AWAT1: variants seen among roughly 807,000 people sequenced by gnomAD.
AWAT1 encodes the protein acyl-CoA wax alcohol acyltransferase 1, also known as diacyl-glycerol acyltransferase 2.
AWAT1 carries 26 observed loss-of-function variants against 21.6 expected under a neutral mutation model. The observed-to-expected ratio is 1.20, with a 90% CI of 0.88 to 1.67. AWAT1 has a LOEUF of 1.67. Among genes scored for constraint, AWAT1 ranks in the 40% most tolerant of loss-of-function variants. The probability of loss-of-function intolerance (pLI) is 0.00; values close to 1 mark genes in which losing one functional copy is unlikely to be tolerated. For missense variants in AWAT1, 264 were observed against 249.4 expected (o/e 1.06, Z -0.39); for synonymous variants, 102 against 99.3 (o/e 1.03, Z -0.16).
chrX:70,236,139 G>T lies in AWAT1; in HGVS notation c.255G>T (p.Thr85=), dbSNP rs372091173. The change falls in exon 3 of 7, where the codon ACG becomes ACT. Residue 85 remains threonine (T), a splice_region_variant and synonymous_variant. Coordinates refer to ENST00000374521, the MANE Select transcript of AWAT1 (RefSeq NM_001013579.3). Reference sequence around the variant, plus strand: ...ACATCAGGGACTATTTCCCCATTACGGTAAGTATCTCTTCCCCAGTGTCCT... The same window carrying T: ...ACATCAGGGACTATTTCCCCATTACTGTAAGTATCTCTTCCCCAGTGTCCT... The part of the protein sequence containing the change: ...WTHIRDYFPI[T]ILKTKDLSPE... 1 of 1,202,621 alleles carries T rather than the reference G, an allele frequency of 8.3e-7. No homozygotes were observed. The highest frequency in any genetic ancestry group is 1.8e-5 in the African/African-American group (1 of 57,000).
intron 4 of AWAT1, among the ~76,000 whole-genome samples, chrX:70,237,867 C>G (rs1434739365): frequency 1.1e-5 from 1 of 88,586 alleles, no homozygotes; most frequent in Non-Finnish European, 2.2e-5. Context: ...GAATTCGACA[C>G]AATGCCTGCC....
chrX:70,237,879 C>G (rs1304278009), intron 4 of AWAT1, among the ~76,000 whole-genome samples: 1 of 90,201 alleles, frequency 1.1e-5, no homozygotes, highest in Non-Finnish European at 2.2e-5. Context: ...ATGCCTGCCA[C>G]AGAGTATATC....
In AWAT1 at chrX:70,239,597, G is replaced by C. The variant is rs2085529380; in HGVS notation, c.633-138G>C. On this transcript the variant is annotated intron_variant, in intron 5 of 6. Coordinates refer to ENST00000374521, the MANE Select transcript of AWAT1 (RefSeq NM_001013579.3). ...AAGAGACATTAAATAGGGAAACCCT[G>C]TTTAGTGCAAGAAAAAATGCTTTAT... is the stretch of plus-strand genomic sequence containing the variant. The C allele has an allele frequency of 7.4e-6, 4 of 538,410 alleles. No homozygotes were observed. The Admixed American group carries it at 9.5e-5, about 13-fold the overall frequency. 44.4% of individuals were successfully genotyped at this position (538,410 alleles called of 1,213,427 possible). A position where few individuals can be genotyped will look rare whatever the true frequency, so the allele number is the denominator to read the frequency against.
Position 70,237,255 on chromosome X carries a change from C to T in AWAT1, c.460+7C>T, listed in dbSNP as rs770758588. ...GAGTACCTCATGGCCAAAGGTGCTT[C>T]TGACCATACTTACTGGAGCTTCTGG... On this transcript the variant is annotated splice_region_variant and intron_variant, in intron 4 of 6. Transcript: ENST00000374521. 8.4e-7 allele frequency: 1 copy of T among 1,189,602 alleles called. No homozygotes were observed. The highest frequency in any genetic ancestry group is 1.8e-5 in the African/African-American group (1 of 56,360).
intron 4 of AWAT1, 21 bp downstream of exon 4, chrX:70,237,269 T>C: frequency 1.7e-6 from 2 of 1,166,338 alleles, no homozygotes; most frequent in South Asian, 3.7e-5. Context: ...CCATACTTAC[T>C]GGAGCTTCTG....
chrX:70,235,896 A>G (rs1275951536), intron 2 of AWAT1, 73 bp downstream of exon 2: 5 of 1,007,992 alleles, frequency 5.0e-6, no homozygotes, highest in Middle Eastern at 2.8e-4. Context: ...TCGCCATACC[A>G]CAGGCCCCTC....
intron 5 of AWAT1, among the ~76,000 whole-genome samples, 187 bp downstream of exon 5, chrX:70,238,570 G>T (rs1271563224): frequency 2.7e-5 from 3 of 112,524 alleles, no homozygotes; most frequent in Non-Finnish European, 5.6e-5. Context: ...ATAAACCCAG[G>T]TTCAATATCA....
intron 5 of AWAT1, among the ~76,000 whole-genome samples, chrX:70,238,874 CA>C (rs1865182423): frequency 8.9e-6 from 1 of 112,425 alleles, no homozygotes; most frequent in African/African-American, 3.2e-5. Flanking sequence ...TTTATCCCCA[CA>C]AAACACTTAC....
chrX:70,238,842 G>A (rs2147624753), intron 5 of AWAT1, among the ~76,000 whole-genome samples: 1 of 112,347 alleles, frequency 8.9e-6, no homozygotes, highest in East Asian at 2.8e-4. Context: ...ACTCCATAGG[G>A]TGACTGTGGG....
At chrX:70,238,569 G>C (rs1337104901) in intron 5 of AWAT1, among the ~76,000 whole-genome samples, 186 bp downstream of exon 5, 2 of 112,508 alleles carry the variant, frequency 1.8e-5, no homozygotes, top group Non-Finnish European at 3.8e-5. Flanking sequence ...CATAAACCCA[G>C]GTTCAATATC....
rs374529454 is a variant in AWAT1 at position 70,235,714 on chromosome X, A to G, written c.77-2A>G. 2 of 1,203,315 alleles carry G rather than the reference A, an allele frequency of 1.7e-6. No homozygotes were observed. The highest frequency in any genetic ancestry group is 3.5e-5 in the African/African-American group (2 of 56,780). ...ATTTGGTCTAACCTGGTCCCTCATCAGTTTGGATCTTGCAGCCATTGTTCG... is the reference window on the plus strand; with the variant it reads ...ATTTGGTCTAACCTGGTCCCTCATCGGTTTGGATCTTGCAGCCATTGTTCG... On this transcript the variant is annotated splice_acceptor_variant, in intron 1 of 6. Coordinates refer to ENST00000374521, the MANE Select transcript of AWAT1 (RefSeq NM_001013579.3). LOFTEE classifies it high-confidence loss of function.
chrX:70,240,543 G>A lies in AWAT1; in HGVS notation c.*253G>A. On this transcript the variant is annotated 3_prime_UTR_variant, in exon 7 of 7. Transcript: ENST00000374521. ...GGCCTGATGCCTGGTCATCATTTGAGTCCTCTGGGACACATTAGCAGTCAC... is the reference window on the plus strand; with the variant it reads ...GGCCTGATGCCTGGTCATCATTTGAATCCTCTGGGACACATTAGCAGTCAC... 1 of 363,693 alleles carries A rather than the reference G, an allele frequency of 2.7e-6. No individual in the cohort carries two copies. The highest frequency in any genetic ancestry group is 4.8e-6 in the Non-Finnish European group (1 of 208,902). The allele number at this position is 363,693 out of a possible 1,213,427, so 30.0% of individuals were successfully genotyped here. A position where few individuals can be genotyped will look rare whatever the true frequency, so the allele number is the denominator to read the frequency against.
intron 4 of AWAT1, 103 bp from the exon 5 acceptor site, chrX:70,238,109 C>A (rs954129248): frequency 2.4e-6 from 2 of 833,892 alleles, no homozygotes; most frequent in Non-Finnish European, 1.7e-6. Flanking sequence ...TTGCTCCTCT[C>A]CTCCTTGGAA....
Position 70,237,361 on chromosome X carries a change from G to C in AWAT1, c.460+113G>C, listed in dbSNP as rs1041095604. The C allele has an allele frequency of 6.5e-5, 43 of 661,064 alleles. No homozygotes were observed. The African/African-American group carries it at 1.0e-3, about 16-fold the overall frequency. The allele number at this position is 661,064 out of a possible 1,213,427, so 54.5% of individuals were successfully genotyped here. ...CCCGCCCCCATGTCATTATGGCATAGTAGTCAAAAGCATATGTTCTAGAGC... is the reference window on the plus strand; with the variant it reads ...CCCGCCCCCATGTCATTATGGCATACTAGTCAAAAGCATATGTTCTAGAGC... On this transcript the variant is annotated intron_variant, in intron 4 of 6. Transcript: ENST00000374521.
At position 70,238,314 on chromosome X, in the gene AWAT1, G is replaced by C. The variant is rs763189515; in HGVS notation, c.563G>C (p.Ser188Thr). ...GGAGGTGTGGGTGAGGCCCTGCAAA[G>C]TGTGCCCAACACCACCACCCTCATC... is the stretch of plus-strand genomic sequence containing the variant. ...VVGGVGEALQ[S>T]VPNTTTLILQ... Residue 188 changes from serine (S) to threonine (T), a missense_variant, in exon 5 of 7, where the codon AGT (serine) becomes ACT (threonine). By Grantham distance (58) the Ser-to-Thr change is moderately conservative. Coordinates refer to ENST00000374521, the MANE Select transcript of AWAT1 (RefSeq NM_001013579.3). 2 of 1,210,584 alleles carry C rather than the reference G, an allele frequency of 1.7e-6. No individual in the cohort carries two copies. The highest frequency in any genetic ancestry group is 2.2e-6 in the Non-Finnish European group (2 of 894,539).
In AWAT1 at chrX:70,234,738, C is replaced by T. The variant is rs1186283115; in HGVS notation, c.43C>T (p.Leu15Phe). 1 of 1,210,779 alleles carries T rather than the reference C, an allele frequency of 8.3e-7. No individual in the cohort carries two copies. Among genetic ancestry groups the T allele is most frequent in the African/African-American group, 1.7e-5 (1 of 57,714 alleles). Residue 15 changes from leucine (L) to phenylalanine (F), a missense_variant, in exon 1 of 7, where the codon CTT becomes TTT. Coordinates refer to ENST00000374521, the MANE Select transcript of AWAT1 (RefSeq NM_001013579.3). ...KQPSHFQSLM[L>F]LQWPLSYLAI... ...GCCTAGTCACTTCCAGAGTCTGATG[C>T]TTCTGCAGTGGCCTTTGAGCTACCT...
intron 5 of AWAT1, among the ~76,000 whole-genome samples, chrX:70,239,076 C>T (rs1050787400): frequency 4.5e-5 from 5 of 112,048 alleles, no homozygotes; most frequent in Non-Finnish European, 7.5e-5. Context: ...GGCCTGTTCA[C>T]CAGTTGGAAG....
intron 4 of AWAT1, among the ~76,000 whole-genome samples, chrX:70,237,831 CAAAAA>C (rs34212707): frequency 0.01 from 201 of 19,348 alleles, no homozygotes; most frequent in African/African-American, 0.04. Context: ...AACTCTGTCT[CAAAAA>C]AAAAAAAAAA....
rs1344367951 is a variant in AWAT1 at position 70,236,118 on chromosome X, CAG to C, written c.235_236del (p.Arg79GlyfsTer16). ...VRNWCVWTHI[R>X]DYFPITILKT... ...GGAACTGGTGTGTCTGGACCCACAT[CAG>C]GGACTATTTCCCCATTACGGTAAGT... is the stretch of plus-strand genomic sequence containing the variant. On this transcript the variant is annotated frameshift_variant, in exon 3 of 7. Coordinates refer to ENST00000374521, the MANE Select transcript of AWAT1 (RefSeq NM_001013579.3). LOFTEE classifies it high-confidence loss of function. 6.6e-6 allele frequency: 8 copies of C among 1,210,444 alleles called. No individual in the cohort carries two copies. Among genetic ancestry groups the C allele is most frequent in the Non-Finnish European group, 8.9e-6 (8 of 894,155 alleles).
Sources: gnomAD v4.1 joint callset for allele counts (sites outside exome capture counted in the v4.1 genomes callset) on GRCh38, gnomAD v4.1.1 for gene constraint, MANE v1.5 for transcripts, NCBI Gene and HGNC (gene_info 2026-07-23, HGNC 2026-07-21) for gene names.